RBFOX1: variants seen among roughly 807,000 people sequenced by gnomAD.
RBFOX1 encodes RNA binding fox-1 homolog 1.
In RBFOX1, 8 loss-of-function variants were observed where a neutral mutation model predicts 57.7. The observed-to-expected ratio is 0.14, with a 90% CI of 0.08 to 0.25. RBFOX1 has a LOEUF of 0.25. RBFOX1 is among the 10% of genes least tolerant of loss of function. The pLI is 1.00. For synonymous variants in RBFOX1, 326 were observed against 222.4 expected, an observed-to-expected ratio of 1.47 and a Z score of -4.15; for missense variants, 611 against 548.5, an observed-to-expected ratio of 1.11 and a Z score of -1.14.
intron 2 of RBFOX1, among the ~76,000 whole-genome samples, chr16:6,329,738 C>G (rs2082781745): frequency 6.6e-6 from 1 of 152,106 alleles, no homozygotes; most frequent in South Asian, 2.1e-4. Context: ...TCAAAACCAG[C>G]CAAGCCAACA....
chr16:6,757,111 C>G (rs2075920567), intron 3 of RBFOX1, among the ~76,000 whole-genome samples: 1 of 151,964 alleles, frequency 6.6e-6, no homozygotes, highest in South Asian at 2.1e-4. Context: ...TAATTTCATC[C>G]CAATTAGAAC....
At chr16:7,106,984 A>AAACACACAC (rs529197707) in intron 4 of RBFOX1, among the ~76,000 whole-genome samples, 2,990 of 148,592 alleles carry the variant, frequency 0.02, 90 homozygotes, top group African/African-American at 0.07. Context: ...ACACAGTTAA[A>AAACACACAC]ACACACACAC....
intron 3 of RBFOX1, among the ~76,000 whole-genome samples, chr16:6,748,005 T>G (rs1016305752): frequency 6.6e-6 from 1 of 152,162 alleles, no homozygotes; most frequent in Non-Finnish European, 1.5e-5. Context: ...AAGACTTAGG[T>G]TGTATGATTT....
At position 6,201,596 on chromosome 16, in the gene RBFOX1, G is replaced by A. The variant is rs1192835563; in HGVS notation, c.-126-115399G>A. On this transcript the variant is annotated intron_variant, in intron 1 of 15. Transcript: ENST00000550418. Reference sequence around the variant, plus strand: ...GTTGATAGAATGAATGAGGTCTAATGTTTGGTGTCATAATAGGGTGAGTAT... The same window carrying A: ...GTTGATAGAATGAATGAGGTCTAATATTTGGTGTCATAATAGGGTGAGTAT... Among the ~76,000 whole-genome samples the A allele has an allele frequency of 3.9e-5, 6 of 152,106 alleles. No homozygotes were observed. In the East Asian group the frequency reaches 1.2e-3, roughly 29 times the overall value.
At chr16:5,898,025 G>A (rs2058209795) in intron 4 of RBFOX1, among the ~76,000 whole-genome samples, 1 of 152,090 alleles carries the variant, frequency 6.6e-6, no homozygotes, top group South Asian at 2.1e-4. Context: ...AAGGAAAGAG[G>A]TTTAATTGAC....
chr16:5,936,424 A>G (rs2059170367), intron 4 of RBFOX1, among the ~76,000 whole-genome samples: 1 of 152,146 alleles, frequency 6.6e-6, no homozygotes, highest in Admixed American at 6.5e-5. Flanking sequence ...GCACCTGGCC[A>G]TTAGGGAGGA....
chr16:5,512,295 A>C lies in RBFOX1; in HGVS notation c.258+45041A>C, dbSNP rs115086074. On this transcript the variant is annotated intron_variant, in intron 2 of 2. Transcript: ENST00000585867. The stretch of plus-strand genomic sequence containing the variant: ...GCACTGGAGGTGGCCAATTTCATCA[A>C]ATAGCGGAAGACCAGCCTTCTCCAT... Among the ~76,000 whole-genome samples the C allele has an allele frequency of 3.0e-3, 452 of 152,294 alleles. 1 individual carries two copies. Among genetic ancestry groups the C allele is most frequent in the African/African-American group, 0.01 (426 of 41,564 alleles).
chr16:6,050,942 C>T (rs1324478482), intron 1 of RBFOX1, among the ~76,000 whole-genome samples: 1 of 149,552 alleles, frequency 6.7e-6, no homozygotes, highest in Non-Finnish European at 1.5e-5. Context: ...CCTCAAGTTT[C>T]TGCAGAAGTC....
intron 7 of RBFOX1, among the ~76,000 whole-genome samples, chr16:7,591,085 G>C (rs771596794): frequency 3.9e-5 from 6 of 152,092 alleles, no homozygotes; most frequent in Admixed American, 6.6e-5. Flanking sequence ...GTCCGGACAG[G>C]CAGGCTGATA....
At chr16:7,235,377 C>A (rs2093716067) in intron 4 of RBFOX1, among the ~76,000 whole-genome samples, 2 of 152,026 alleles carry the variant, frequency 1.3e-5, no homozygotes, top group Admixed American at 1.3e-4. Flanking sequence ...ATCCAGGAGG[C>A]AAGAGAATGA....
At chr16:6,884,440 C>A (rs1338159719) in intron 3 of RBFOX1, among the ~76,000 whole-genome samples, 1 of 152,148 alleles carries the variant, frequency 6.6e-6, no homozygotes, top group African/African-American at 2.4e-5. Context: ...TCTCTGCCTT[C>A]AAGGATCGTA....
At chr16:7,088,668 A>T (rs1159430080) in intron 4 of RBFOX1, among the ~76,000 whole-genome samples, 3 of 152,208 alleles carry the variant, frequency 2.0e-5, no homozygotes, top group African/African-American at 7.2e-5. Context: ...GTTTAGAAAA[A>T]ATTACTTATT....
intron 2 of RBFOX1, among the ~76,000 whole-genome samples, chr16:6,605,470 G>C (rs1238765616): frequency 2.0e-5 from 3 of 152,084 alleles, no homozygotes; most frequent in African/African-American, 7.2e-5. Flanking sequence ...TGGCTGCTTT[G>C]AATTTGCAGT....
intron 2 of RBFOX1, among the ~76,000 whole-genome samples, chr16:6,498,453 G>A (rs1029020753): frequency 1.3e-5 from 2 of 152,118 alleles, no homozygotes; most frequent in Non-Finnish European, 2.9e-5. Context: ...TCTAAATGCT[G>A]TTCATTTATT....
intron 4 of RBFOX1, among the ~76,000 whole-genome samples, chr16:7,248,113 G>A (rs2094376597): frequency 6.6e-6 from 1 of 152,218 alleles, no homozygotes; most frequent in African/African-American, 2.4e-5. Flanking sequence ...GAAGAACTGT[G>A]AATGAAGGCA....
chr16:5,337,948 G>T (rs2064939509), intron 1 of RBFOX1, among the ~76,000 whole-genome samples: 1 of 152,088 alleles, frequency 6.6e-6, no homozygotes, highest in Non-Finnish European at 1.5e-5. Flanking sequence ...GGAGGCTGAG[G>T]TTGGAGGATT....
chr16:7,066,464 A>G (rs1424328811), intron 4 of RBFOX1, among the ~76,000 whole-genome samples: 1 of 152,188 alleles, frequency 6.6e-6, no homozygotes, highest in Non-Finnish European at 1.5e-5. Context: ...GTAGGATCCA[A>G]CTATGACAGG....
chr16:7,120,759 C>T (rs1332758471), intron 4 of RBFOX1, among the ~76,000 whole-genome samples: 2 of 146,170 alleles, frequency 1.4e-5, no homozygotes, highest in Non-Finnish European at 3.0e-5. Context: ...TACTTCTCAA[C>T]TCAATTTATG....
At chr16:7,470,499 GA>G in intron 4 of RBFOX1, among the ~76,000 whole-genome samples, 1 of 152,186 alleles carries the variant, frequency 6.6e-6, no homozygotes. Context: ...ATGGATGGAA[GA>G]ATGGTTGGAT....
Sources: gnomAD v4.1 joint callset for allele counts (sites outside exome capture counted in the v4.1 genomes callset) on GRCh38, gnomAD v4.1.1 for gene constraint, MANE v1.5 for transcripts, NCBI Gene and HGNC (gene_info 2026-07-23, HGNC 2026-07-21) for gene names.